Variants in YAP1 observed in about 807,000 individuals in gnomAD.
The protein encoded by YAP1 is transcriptional coactivator YAP1.
YAP1 carries 5 observed loss-of-function variants against 56.9 expected under a neutral mutation model. The observed-to-expected ratio is 0.09, with a 90% confidence interval of 0.05 to 0.18. The LOEUF is 0.18. Ranked by LOEUF, YAP1 falls within the 10% of genes least tolerant of loss-of-function variation. The pLI is 1.00. For synonymous variants in YAP1, 265 were observed against 248.1 expected, an observed-to-expected ratio of 1.07 and a Z score of -0.64; for missense variants, 539 against 651.8, an observed-to-expected ratio of 0.83 and a Z score of 1.88.
chr11:102,210,682 T>C (rs1418002335), intron 6 of YAP1, among the ~76,000 whole-genome samples: 1 of 152,208 alleles, frequency 6.6e-6, no homozygotes, highest in East Asian at 1.9e-4. Flanking sequence ...ATTGGGTCTT[T>C]ATAACGTGAA....
At chr11:102,203,577 T>A (rs1219305143) in intron 4 of YAP1, among the ~76,000 whole-genome samples, 1 of 152,196 alleles carries the variant, frequency 6.6e-6, no homozygotes, top group East Asian at 1.9e-4. Flanking sequence ...TAAAAGAGAT[T>A]GGCCATGTAT....
At chr11:102,159,796 T>A (rs1226479851) in intron 2 of YAP1, among the ~76,000 whole-genome samples, 1 of 152,148 alleles carries the variant, frequency 6.6e-6, no homozygotes, top group East Asian at 1.9e-4. Context: ...GGGATTGTAA[T>A]ATACATCTGC....
At chr11:102,152,765 G>A (rs1945733391) in intron 2 of YAP1, among the ~76,000 whole-genome samples, 1 of 152,218 alleles carries the variant, frequency 6.6e-6, no homozygotes, top group Non-Finnish European at 1.5e-5. Flanking sequence ...TTTAGTGTTT[G>A]CCTCAATTAG....
At chr11:102,175,630 C>T (rs989885352) in intron 3 of YAP1, among the ~76,000 whole-genome samples, 1 of 152,062 alleles carries the variant, frequency 6.6e-6, no homozygotes, top group Non-Finnish European at 1.5e-5. Flanking sequence ...ATGGTATAGC[C>T]TATTATACAC....
At chr11:102,160,147 C>G (rs1946183492) in intron 2 of YAP1, among the ~76,000 whole-genome samples, 1 of 151,658 alleles carries the variant, frequency 6.6e-6, no homozygotes, top group Non-Finnish European at 1.5e-5. Flanking sequence ...CCTTAGCCTC[C>G]CGAGTAGCTG....
chr11:102,187,736 T>TA (rs1169261201), intron 4 of YAP1, among the ~76,000 whole-genome samples: 2 of 152,180 alleles, frequency 1.3e-5, no homozygotes, highest in African/African-American at 4.8e-5. Context: ...TCTGTAAGCT[T>TA]AAGTAGACTA....
chr11:102,155,513 G>T (rs997869079), intron 2 of YAP1, among the ~76,000 whole-genome samples: 2 of 152,298 alleles, frequency 1.3e-5, no homozygotes, highest in Non-Finnish European at 2.9e-5. Flanking sequence ...AACACAGAAG[G>T]TTCCTTGACT....
intron 2 of YAP1, among the ~76,000 whole-genome samples, chr11:102,149,761 C>T (rs1945519005): frequency 6.6e-6 from 1 of 151,968 alleles, no homozygotes. Flanking sequence ...ATTAATTTTC[C>T]TCCTCTTTCT....
chr11:102,194,506 A>G (rs1462673755), intron 4 of YAP1, among the ~76,000 whole-genome samples: 1 of 152,236 alleles, frequency 6.6e-6, no homozygotes, highest in Non-Finnish European at 1.5e-5. Flanking sequence ...TTATGCAACA[A>G]AAGTTTGGGT....
intron 2 of YAP1, among the ~76,000 whole-genome samples, chr11:102,140,710 G>T (rs536398638): frequency 1.3e-5 from 2 of 152,110 alleles, no homozygotes; most frequent in Admixed American, 6.5e-5. Context: ...GGGCGTGGTT[G>T]TGCGCACCTG....
In YAP1 at chr11:102,125,270, C is replaced by T. The variant is rs78490489; in HGVS notation, c.572+10876C>T. Among the ~76,000 whole-genome samples the T allele has an allele frequency of 8.4e-3, 1,273 of 151,980 alleles. 78 individuals are homozygous for T. The East Asian group carries it at 0.17, about 20-fold the overall frequency. On this transcript the variant is annotated intron_variant, in intron 2 of 8. Coordinates refer to ENST00000282441, the MANE Select transcript of YAP1 (RefSeq NM_001130145.3). ...CTCCTGGGCTCAAATGATCCACCCA[C>T]CTTGGCCTCCCAAAGTGCTGGGATT...
chr11:102,174,941 C>G (rs1947149162), intron 3 of YAP1, among the ~76,000 whole-genome samples: 5 of 152,160 alleles, frequency 3.3e-5, no homozygotes, highest in Admixed American at 3.3e-4. Flanking sequence ...GTATGGTCCA[C>G]AGTTTCATCT....
At chr11:102,179,963 A>G (rs1024358460) in intron 3 of YAP1, among the ~76,000 whole-genome samples, 4 of 151,954 alleles carry the variant, frequency 2.6e-5, no homozygotes, top group African/African-American at 9.7e-5. Flanking sequence ...ACAAGCATAA[A>G]CAAAGGATTT....
intron 5 of YAP1, among the ~76,000 whole-genome samples, chr11:102,208,119 T>G (rs1350861636): frequency 2.0e-4 from 31 of 152,212 alleles, no homozygotes; most frequent in Admixed American, 2.0e-3. Flanking sequence ...AGAGGAACTT[T>G]GCCCAGACTA....
At chr11:102,174,066 A>G (rs1947081199) in intron 3 of YAP1, among the ~76,000 whole-genome samples, 1 of 152,170 alleles carries the variant, frequency 6.6e-6, no homozygotes. Flanking sequence ...CTGCATTTCT[A>G]ACAATTTTCT....
chr11:102,200,931 C>T (rs574921571), intron 4 of YAP1, among the ~76,000 whole-genome samples: 1 of 152,202 alleles, frequency 6.6e-6, no homozygotes. Flanking sequence ...ATTGGCAAGT[C>T]CTTGGGGGCA....
At chr11:102,204,163 A>C (rs961788396) in intron 4 of YAP1, among the ~76,000 whole-genome samples, 11 of 151,306 alleles carry the variant, frequency 7.3e-5, no homozygotes, top group African/African-American at 2.7e-4. Context: ...TGAGAGACAG[A>C]CAGTAGGATT....
In YAP1 at chr11:102,180,130, C is replaced by G. The variant is rs1453905604; in HGVS notation, c.689-5888C>G. ...GTACGAGAGATTCTCCTGCCTCAGC[C>G]TCCCAAGTAGCTGGGACTACAGGTG... On this transcript the variant is annotated intron_variant, in intron 3 of 8. Transcript: ENST00000282441. 2.6e-5 allele frequency among the ~76,000 whole-genome samples: 4 copies of G among 151,374 alleles called. No individual in the cohort carries two copies. The East Asian group carries it at 7.9e-4, about 30-fold the overall frequency.
intron 4 of YAP1, among the ~76,000 whole-genome samples, chr11:102,199,686 T>C (rs1591395853): frequency 6.6e-6 from 1 of 152,330 alleles, no homozygotes; most frequent in East Asian, 1.9e-4. Context: ...TAAAAATCTC[T>C]ATAGGTCAGA....
Sources: allele counts gnomAD v4.1 joint callset (sites outside exome capture counted in the v4.1 genomes callset), GRCh38; gene constraint gnomAD v4.1.1; transcripts MANE v1.5; gene names NCBI Gene and HGNC (gene_info 2026-07-23, HGNC 2026-07-21).